The following CACNA2D3 variants were observed in gnomAD, a reference collection of about 807,000 sequenced individuals.
CACNA2D3 encodes the protein voltage-dependent calcium channel subunit alpha-2/delta-3.
A neutral mutation model predicts 160.6 loss-of-function variants in CACNA2D3; 60 were observed. The ratio of observed to expected loss-of-function variants is 0.37; its 90% CI spans 0.30 to 0.46. CACNA2D3 has a LOEUF of 0.46. Among genes scored for constraint, CACNA2D3 ranks in the 20% least tolerant of loss-of-function variants. The pLI, the probability that CACNA2D3 is intolerant of heterozygous loss-of-function variation, is 1.00. For synonymous variants in CACNA2D3, 558 were observed against 492.9 expected (o/e 1.13, Z -1.75); for missense variants, 1,205 against 1,365.0 (o/e 0.88, Z 1.85).
intron 3 of CACNA2D3, among the ~76,000 whole-genome samples, chr3:54,323,827 T>C (rs571183380): frequency 6.6e-6 from 1 of 152,250 alleles, no homozygotes; most frequent in East Asian, 1.9e-4. Context: ...GCCCTATCAC[T>C]CTGATGCGCC....
At chr3:54,854,480 T>C (rs986918624) in intron 17 of CACNA2D3, among the ~76,000 whole-genome samples, 6 of 152,188 alleles carry the variant, frequency 3.9e-5, no homozygotes, top group Middle Eastern at 3.2e-3. Context: ...GGGTGTGTGC[T>C]TGGACACTCA....
intron 14 of CACNA2D3, among the ~76,000 whole-genome samples, chr3:54,817,192 T>A (rs1224205468): frequency 6.6e-6 from 1 of 152,204 alleles, no homozygotes. Context: ...TTCCAGGCCT[T>A]CTCTGAGGTA....
At chr3:54,814,438 G>A (rs556412976) in intron 13 of CACNA2D3, among the ~76,000 whole-genome samples, 1 of 152,176 alleles carries the variant, frequency 6.6e-6, no homozygotes, top group African/African-American at 2.4e-5. Context: ...CTAGGGCAGG[G>A]CCCTGCACGC....
At chr3:54,912,720 A>G (rs1385577623) in intron 27 of CACNA2D3, among the ~76,000 whole-genome samples, 1 of 152,042 alleles carries the variant, frequency 6.6e-6, no homozygotes, top group Non-Finnish European at 1.5e-5. Context: ...ACCACCTGAT[A>G]TGATTTGTAT....
At chr3:54,169,759 T>TTG (rs563052998) in intron 2 of CACNA2D3, among the ~76,000 whole-genome samples, 63 of 150,372 alleles carry the variant, frequency 4.2e-4, no homozygotes, top group Non-Finnish European at 7.9e-4. Context: ...GTGTGTGTGT[T>TTG]TGTGTGTGTG....
chr3:54,792,167 G>T (rs544593323), intron 13 of CACNA2D3, among the ~76,000 whole-genome samples: 2 of 152,298 alleles, frequency 1.3e-5, no homozygotes, highest in African/African-American at 4.8e-5. Context: ...CAGGTGTGTA[G>T]CTCTGCACTG....
At chr3:54,374,935 C>T (rs1575421575) in intron 3 of CACNA2D3, among the ~76,000 whole-genome samples, 3 of 152,308 alleles carry the variant, frequency 2.0e-5, no homozygotes, top group Admixed American at 2.0e-4. Context: ...CTCACTAGCT[C>T]CCTGCCCCCG....
At chr3:54,557,714 G>T (rs1480030529) in intron 5 of CACNA2D3, among the ~76,000 whole-genome samples, 2 of 152,140 alleles carry the variant, frequency 1.3e-5, no homozygotes, top group African/African-American at 4.8e-5. Context: ...CTAGGGGTGA[G>T]TCACAATAAT....
chr3:54,881,819 C>G (rs1201188648), intron 21 of CACNA2D3, among the ~76,000 whole-genome samples: 1 of 152,224 alleles, frequency 6.6e-6, no homozygotes, highest in African/African-American at 2.4e-5. Flanking sequence ...TTTCCAGAAG[C>G]TGGGCCATCC....
At chr3:54,641,740 T>C (rs2106845632) in intron 10 of CACNA2D3, among the ~76,000 whole-genome samples, 1 of 152,342 alleles carries the variant, frequency 6.6e-6, no homozygotes, top group South Asian at 2.1e-4. Flanking sequence ...TTGTCAGTCT[T>C]ATGATTGTGG....
intron 35 of CACNA2D3, among the ~76,000 whole-genome samples, chr3:55,066,452 C>A (rs1346336075): frequency 6.6e-6 from 1 of 152,192 alleles, no homozygotes; most frequent in Non-Finnish European, 1.5e-5. Flanking sequence ...AAGCTCTCCA[C>A]ATGTGCAATC....
At chr3:54,162,887 G>T (rs993211019) in intron 2 of CACNA2D3, among the ~76,000 whole-genome samples, 3 of 152,208 alleles carry the variant, frequency 2.0e-5, no homozygotes, top group African/African-American at 7.2e-5. Flanking sequence ...GTAATTTCAG[G>T]TAGTAAGTGG....
intron 5 of CACNA2D3, among the ~76,000 whole-genome samples, chr3:54,546,823 G>A (rs1349174477): frequency 1.3e-5 from 2 of 152,134 alleles, no homozygotes; most frequent in Non-Finnish European, 2.9e-5. Context: ...AGCCTAATTT[G>A]TACTCTTTGT....
At chr3:54,626,322 C>G (rs1487702977) in intron 9 of CACNA2D3, 1 of 1,552,380 alleles carries the variant, frequency 6.4e-7, no homozygotes, top group Non-Finnish European at 8.7e-7. Flanking sequence ...TGCCGCTGTA[C>G]AGTGCGCGCC....
At chr3:54,890,495 C>CAAA (rs34740812) in intron 24 of CACNA2D3, among the ~76,000 whole-genome samples, 3 of 60,776 alleles carry the variant, frequency 4.9e-5, no homozygotes, top group African/African-American at 1.3e-4. Flanking sequence ...GACTCCGTCT[C>CAAA]AAAAAAAAAA....
At chr3:55,038,458 G>T (rs1402260233) in intron 35 of CACNA2D3, among the ~76,000 whole-genome samples, 1 of 152,078 alleles carries the variant, frequency 6.6e-6, no homozygotes, top group East Asian at 1.9e-4. Context: ...GACATCAAAT[G>T]CTATAGATGC....
At chr3:54,929,014 C>G (rs1170295079) in intron 27 of CACNA2D3, among the ~76,000 whole-genome samples, 1 of 152,164 alleles carries the variant, frequency 6.6e-6, no homozygotes, top group Non-Finnish European at 1.5e-5. Flanking sequence ...ACAAAATGTT[C>G]TGCTGTGTGT....
chr3:54,942,503 A>G (rs188604120), intron 27 of CACNA2D3, among the ~76,000 whole-genome samples: 59 of 152,342 alleles, frequency 3.9e-4, no homozygotes, highest in Admixed American at 1.0e-3. Context: ...CTCTTAATGC[A>G]TCTCTATTTC....
intron 10 of CACNA2D3, among the ~76,000 whole-genome samples, chr3:54,631,272 G>T (rs767873108): frequency 6.6e-6 from 1 of 151,200 alleles, no homozygotes; most frequent in East Asian, 1.9e-4. Context: ...GCTTGAGATT[G>T]GTTGGCGATT....
Sources: gnomAD v4.1 joint callset for allele counts (sites outside exome capture counted in the v4.1 genomes callset) on GRCh38, gnomAD v4.1.1 for gene constraint, MANE v1.5 for transcripts, NCBI Gene and HGNC (gene_info 2026-07-23, HGNC 2026-07-21) for gene names.